Variants in CYRIA observed in about 807,000 individuals in gnomAD.
CYRIA encodes the protein CYFIP-related Rac1 interactor A.
In CYRIA, 15 loss-of-function variants were observed where a neutral mutation model predicts 43.9. The ratio of observed to expected loss-of-function variants is 0.34; its 90% CI spans 0.23 to 0.53. The LOEUF is 0.53. Among genes scored for constraint, CYRIA ranks in the 20% least tolerant of loss-of-function variants. The pLI is 0.94. For synonymous variants in CYRIA, 117 were observed against 136.0 expected (o/e 0.86, Z 0.97); for missense variants, 236 against 394.2 (o/e 0.60, Z 3.40).
At chr2:16,603,167 C>T (rs1445967146) in intron 2 of CYRIA, among the ~76,000 whole-genome samples, 2 of 152,168 alleles carry the variant, frequency 1.3e-5, no homozygotes, top group Admixed American at 1.3e-4. Flanking sequence ...GCCTGGACCC[C>T]GCCCCCTCCA....
At chr2:16,634,811 T>G (rs549553586) in intron 1 of CYRIA, among the ~76,000 whole-genome samples, 10 of 152,334 alleles carry the variant, frequency 6.6e-5, no homozygotes, top group Admixed American at 6.5e-4. Context: ...TCACATTCAG[T>G]GACGCCATGG....
rs753862688 is a variant in CYRIA at position 16,561,209 on chromosome 2, C to G, written c.582G>C (p.Thr194=). 6.2e-7 allele frequency: 1 copy of G among 1,613,778 alleles called. No homozygotes were observed. The highest frequency in any genetic ancestry group is 2.2e-5 in the East Asian group (1 of 44,862). ...CATTGCTAAGGGTTTTCAGCATTGG[C>G]GTGGCTTCTGCATAGAAGAGGGACA... ...NRMSLFYAEA[T]PMLKTLSNAT... The change falls in exon 8 of 12, where the codon ACG becomes ACC. Residue 194 remains threonine, a synonymous_variant. Transcript: ENST00000381323.
chr2:16,557,188 T>C (rs1666553492), intron 10 of CYRIA, among the ~76,000 whole-genome samples: 1 of 152,200 alleles, frequency 6.6e-6, no homozygotes, highest in African/African-American at 2.4e-5. Flanking sequence ...TTGTGCCGCC[T>C]TGGTAGCCAC....
chr2:16,588,001 C>A, intron 3 of CYRIA, 49 bp downstream of exon 3: 2 of 1,164,178 alleles, frequency 1.7e-6, no homozygotes, highest in Non-Finnish European at 2.5e-6. Flanking sequence ...TATCAACAAT[C>A]TATAAGGAAT....
At chr2:16,661,109 C>T (rs760688711) in intron 1 of CYRIA, among the ~76,000 whole-genome samples, 8 of 151,976 alleles carry the variant, frequency 5.3e-5, no homozygotes, top group Non-Finnish European at 1.0e-4. Context: ...ATGGCGAAAC[C>T]CCACCTCTAC....
intron 2 of CYRIA, among the ~76,000 whole-genome samples, chr2:16,606,993 C>CA (rs1351093032): frequency 6.6e-6 from 1 of 152,050 alleles, no homozygotes; most frequent in East Asian, 1.9e-4. Flanking sequence ...CCATCACATA[C>CA]AAAAAACCTG....
intron 1 of CYRIA, among the ~76,000 whole-genome samples, chr2:16,632,281 G>A (rs1050664679): frequency 3.3e-5 from 5 of 152,198 alleles, no homozygotes; most frequent in African/African-American, 9.7e-5. Context: ...ACTGACATTT[G>A]AGAAAGTCAT....
intron 1 of CYRIA, among the ~76,000 whole-genome samples, chr2:16,644,039 T>C (rs1336851113): frequency 6.6e-6 from 1 of 152,142 alleles, no homozygotes; most frequent in Admixed American, 6.5e-5. Context: ...ATCTCAGGGC[T>C]CTCTACCCTG....
intron 1 of CYRIA, among the ~76,000 whole-genome samples, chr2:16,663,886 A>T (rs1670325609): frequency 6.6e-6 from 1 of 152,166 alleles, no homozygotes; most frequent in African/African-American, 2.4e-5. Context: ...TCCCTCGGAC[A>T]GGACCAGGGA....
chr2:16,657,764 A>C (rs1670156410), intron 1 of CYRIA, among the ~76,000 whole-genome samples: 1 of 152,200 alleles, frequency 6.6e-6, no homozygotes, highest in African/African-American at 2.4e-5. Context: ...AAAGGTAAAG[A>C]GTGCATAAGC....
chr2:16,632,159 C>T (rs569076779), intron 1 of CYRIA, among the ~76,000 whole-genome samples: 1 of 152,178 alleles, frequency 6.6e-6, no homozygotes, highest in Non-Finnish European at 1.5e-5. Flanking sequence ...GTTCCAGTTC[C>T]ACATGGCAAG....
intron 3 of CYRIA, 92 bp from the exon 4 acceptor site, chr2:16,565,859 C>G (rs953369772): frequency 3.3e-6 from 4 of 1,225,424 alleles, no homozygotes; most frequent in Non-Finnish European, 3.3e-6. Context: ...CTTGACAATC[C>G]TATCATATTC....
At chr2:16,572,360 A>G (rs1309873489) in intron 3 of CYRIA, among the ~76,000 whole-genome samples, 1 of 151,246 alleles carries the variant, frequency 6.6e-6, no homozygotes, top group African/African-American at 2.4e-5. Context: ...GAATCTTTGT[A>G]TTGCCATCAA....
Position 16,561,268 on chromosome 2 carries a change from C to T in CYRIA, c.523G>A (p.Glu175Lys). Residue 175 changes from glutamate to lysine, a missense_variant, in exon 8 of 12, where the codon GAG becomes AAG. By Grantham distance (56) the Glu-to-Lys change is moderately conservative (BLOSUM62 1). Around this residue, in one of 3 missense-constraint regions of CYRIA, gnomAD observed 193 missense variants for 303.9 expected, o/e 0.64. Coordinates refer to ENST00000381323, the MANE Select transcript of CYRIA (RefSeq NM_030797.4). Reference protein sequence around the residue: ...NRINNMHLDIENEVNNEMANR... With the variant: ...NRINNMHLDIKNEVNNEMANR... ...GCCATCTCATTATTGACTTCATTCT[C>T]AATGTCTAGCTGATGAAAATAAGAA... 6.2e-7 allele frequency: 1 copy of T among 1,608,138 alleles called. No individual in the cohort carries two copies. Among genetic ancestry groups the T allele is most frequent in the Non-Finnish European group, 8.5e-7 (1 of 1,174,708 alleles).
chr2:16,656,388 G>A (rs1304228206), intron 1 of CYRIA, among the ~76,000 whole-genome samples: 1 of 152,046 alleles, frequency 6.6e-6, no homozygotes, highest in African/African-American at 2.4e-5. Context: ...ACAAGTCCAG[G>A]CCTCTCTAGT....
intron 3 of CYRIA, among the ~76,000 whole-genome samples, chr2:16,580,510 A>G (rs1667515811): frequency 6.6e-6 from 1 of 152,208 alleles, no homozygotes; most frequent in Admixed American, 6.5e-5. Flanking sequence ...AATAAAAGGA[A>G]AGATGTGCTA....
chr2:16,551,515 C>T lies in CYRIA; in HGVS notation c.*1421G>A, dbSNP rs894019240. 2.6e-5 allele frequency: 4 copies of T among 152,148 alleles called. No homozygotes were observed. The highest frequency in any genetic ancestry group is 2.6e-4 in the Admixed American group (4 of 15,266). The allele number at this position is 152,148 out of a possible 1,614,324, so 9.4% of individuals were successfully genotyped here. On this transcript the variant is annotated 3_prime_UTR_variant, in exon 12 of 12. Transcript: ENST00000381323. Reference sequence around the variant, plus strand: ...TGAAGCATCCTGGGTTCTAGGCCCACATGGGAGCCATCCTGTATGACCACA... The same window carrying T: ...TGAAGCATCCTGGGTTCTAGGCCCATATGGGAGCCATCCTGTATGACCACA...
chr2:16,610,962 AT>A (rs1279514305), intron 2 of CYRIA, among the ~76,000 whole-genome samples: 1 of 136,782 alleles, frequency 7.3e-6, no homozygotes, highest in African/African-American at 2.7e-5. Context: ...ATATATTTCT[AT>A]CAAAAATGTA....
intron 1 of CYRIA, among the ~76,000 whole-genome samples, chr2:16,661,127 G>A (rs567461552): frequency 2.0e-5 from 3 of 152,130 alleles, no homozygotes; most frequent in South Asian, 4.1e-4. Context: ...TACAAAAAGT[G>A]AAAAGATCTT....
Sources: allele counts gnomAD v4.1 joint callset (sites outside exome capture counted in the v4.1 genomes callset), GRCh38; gene constraint gnomAD v4.1.1; regional missense constraint gnomAD v4.1.1; transcripts MANE v1.5; gene names NCBI Gene and HGNC (gene_info 2026-07-23, HGNC 2026-07-21).